IGF2R: variants seen among roughly 807,000 people sequenced by gnomAD.
The protein encoded by IGF2R is cation-independent mannose-6-phosphate receptor.
In IGF2R, 91 loss-of-function variants were observed where a neutral mutation model predicts 270.6. The observed-to-expected ratio is 0.34, with a 90% CI of 0.28 to 0.40. The LOEUF is 0.40. IGF2R is among the 10% of genes least tolerant of loss of function. IGF2R has a pLI of 1.00. For missense variants in IGF2R, 2,805 were observed against 3,188.3 expected (o/e 0.88, Z 2.90); for synonymous variants, 1,316 against 1,258.9 (o/e 1.05, Z -0.96).
intron 1 of IGF2R, among the ~76,000 whole-genome samples, chr6:159,973,650 T>C (rs1008573325): frequency 2.6e-5 from 4 of 152,172 alleles, no homozygotes; most frequent in Non-Finnish European, 5.9e-5. Flanking sequence ...ACAGTAAGTG[T>C]ATGTGGAAGC....
Position 160,009,098 on chromosome 6 carries a change from C to T in IGF2R, c.378C>T (p.Val126=), listed in dbSNP as rs1332060955. The T allele has an allele frequency of 6.2e-7, 1 of 1,613,746 alleles. No individual in the cohort carries two copies. The highest frequency in any genetic ancestry group is 8.5e-7 in the Non-Finnish European group (1 of 1,179,888). ...SCDQQGTNHR[V]QSSIAFLCGK... ...ACCAGCAAGGCACAAATCACAGAGT[C>T]CAGAGCAGCATTGCCTTCCTGTGTG... The change falls in exon 3 of 48, where the codon GTC becomes GTT. Residue 126 remains valine (V), a synonymous_variant. Coordinates refer to ENST00000356956, the MANE Select transcript of IGF2R (RefSeq NM_000876.4).
intron 18 of IGF2R, among the ~76,000 whole-genome samples, chr6:160,049,571 G>C (rs1473151755): frequency 6.6e-6 from 1 of 152,178 alleles, no homozygotes; most frequent in Non-Finnish European, 1.5e-5. Context: ...AGATGCTCCA[G>C]AGCTGGAACT....
At chr6:159,970,973 G>T (rs1312510543) in intron 1 of IGF2R, among the ~76,000 whole-genome samples, 4 of 152,222 alleles carry the variant, frequency 2.6e-5, no homozygotes, top group Non-Finnish European at 5.9e-5. Flanking sequence ...CCAGTTAAGG[G>T]AGGCTGAGGT....
chr6:160,094,081 C>T, intron 44 of IGF2R: 1 of 506,236 alleles, frequency 2.0e-6, no homozygotes. Flanking sequence ...CCTACCTCCA[C>T]CCCATCATTC....
At chr6:160,104,606 G>A in intron 47 of IGF2R, 68 bp from the exon 48 acceptor site, 1 of 1,509,516 alleles carries the variant, frequency 6.6e-7, no homozygotes, top group South Asian at 1.3e-5. Flanking sequence ...TCCCTGATGT[G>A]GTGGATGGTG....
rs748324423 is a variant in IGF2R at position 160,084,176 on chromosome 6, C to T, written c.6060C>T (p.Asn2020=). The change falls in exon 40 of 48, where the codon AAC becomes AAT. Residue 2020 remains asparagine (N), a synonymous_variant. Transcript: ENST00000356956. This position sits in a 1 kb window ranked among gnomAD's most constrained non-coding sequence, Gnocchi z 4.6. Reference sequence around the variant, plus strand: ...CCGGGTCCTGGTCCCTCGTCCACAACGGAGTCTCGTGAGTGCCTTCCCAGT... The same window carrying T: ...CCGGGTCCTGGTCCCTCGTCCACAATGGAGTCTCGTGAGTGCCTTCCCAGT... ...SLTGSWSLVH[N]GVSYYINLCQ... 1.1e-5 allele frequency: 18 copies of T among 1,606,872 alleles called. No homozygotes were observed. The highest frequency in any genetic ancestry group is 8.3e-5 in the Admixed American group (5 of 59,982).
Position 160,017,443 on chromosome 6 carries a change from G to C in IGF2R, c.513+6658G>C, listed in dbSNP as rs145285307. Among the ~76,000 whole-genome samples the C allele has an allele frequency of 1.4e-4, 21 of 152,248 alleles. No individual in the cohort carries two copies. The East Asian group carries it at 3.9e-3, about 28-fold the overall frequency. The stretch of plus-strand genomic sequence containing the variant: ...AACAAAATCTGGAAAATGTATTTGA[G>C]GACATAATTGATGTAAACTTCTTTA... On this transcript the variant is annotated intron_variant, in intron 4 of 47. Coordinates refer to ENST00000356956, the MANE Select transcript of IGF2R (RefSeq NM_000876.4).
rs191461661 is a variant in IGF2R at position 160,106,216 on chromosome 6, A to C, written c.*1132A>C. ...TACAGCGCGGAGGAGGAGGGAGGCCAGGCGGGCATGGCGTGGAGGAGGAGG... is the reference window on the plus strand; with the variant it reads ...TACAGCGCGGAGGAGGAGGGAGGCCCGGCGGGCATGGCGTGGAGGAGGAGG... On this transcript the variant is annotated 3_prime_UTR_variant, in exon 48 of 48. Coordinates refer to ENST00000356956, the MANE Select transcript of IGF2R (RefSeq NM_000876.4). 6.6e-6 allele frequency: 1 copy of C among 152,194 alleles called. No homozygotes were observed. The highest frequency in any genetic ancestry group is 2.4e-5 in the African/African-American group (1 of 41,200). The allele number at this position is 152,194 out of a possible 1,614,324, so 9.4% of individuals were successfully genotyped here.
At chr6:160,099,817 AG>A (rs960799162) in intron 45 of IGF2R, among the ~76,000 whole-genome samples, 10 of 152,336 alleles carry the variant, frequency 6.6e-5, no homozygotes, top group African/African-American at 2.4e-4. Flanking sequence ...CTAAGCTGAG[AG>A]GGGTGGCAGA....
chr6:160,030,309 G>A (rs925115324), intron 7 of IGF2R, among the ~76,000 whole-genome samples: 1 of 152,180 alleles, frequency 6.6e-6, no homozygotes, highest in Non-Finnish European at 1.5e-5. Flanking sequence ...CTTTCCTTTA[G>A]TTTCTTTCTG....
chr6:160,048,481 A>T lies in IGF2R; in HGVS notation c.2452A>T (p.Asn818Tyr), dbSNP rs747014235. The T allele has an allele frequency of 6.2e-7, 1 of 1,614,108 alleles. No homozygotes were observed. Among genetic ancestry groups the T allele is most frequent in the Non-Finnish European group, 8.5e-7 (1 of 1,180,052 alleles). The change falls in exon 18 of 48, where the codon AAT (asparagine) becomes TAT (tyrosine). Residue 818 changes from asparagine to tyrosine, a missense_variant. By Grantham distance (143) the Asn-to-Tyr change is moderately radical (BLOSUM62 -2). Transcript: ENST00000356956. ...CTACATTAACGTGTGTCGGCCTCTG[A>T]ATCCAGTGCCGGGCTGCAACCGATA... ...KYYINVCRPL[N>Y]PVPGCNRYAS...
Position 160,104,667 on chromosome 6 carries a change from C to G in IGF2R, c.7066-7C>G. On this transcript the variant is annotated splice_region_variant and splice_polypyrimidine_tract_variant and intron_variant, in intron 47 of 47. Coordinates refer to ENST00000356956, the MANE Select transcript of IGF2R (RefSeq NM_000876.4). Reference sequence around the variant, plus strand: ...CTCACGTGGTCTCTGCTGTTGATCCCTGGCAGGTGAATAAGGAAGAAGAGA... The same window carrying G: ...CTCACGTGGTCTCTGCTGTTGATCCGTGGCAGGTGAATAAGGAAGAAGAGA... 1.9e-6 allele frequency: 3 copies of G among 1,607,872 alleles called. No homozygotes were observed. Among genetic ancestry groups the G allele is most frequent in the Non-Finnish European group, 2.5e-6 (3 of 1,176,624 alleles).
intron 18 of IGF2R, among the ~76,000 whole-genome samples, chr6:160,048,939 G>A (rs1778131192): frequency 6.6e-6 from 1 of 152,206 alleles, no homozygotes; most frequent in South Asian, 2.1e-4. Context: ...TGCTGTGGAT[G>A]AACCAGATTC....
chr6:159,977,323 C>G (rs1055942374), intron 1 of IGF2R, among the ~76,000 whole-genome samples: 16 of 152,200 alleles, frequency 1.1e-4, no homozygotes, highest in Admixed American at 5.2e-4. Flanking sequence ...GGGTCTCCAC[C>G]CGACCTTGGC....
rs56029582 is a variant in IGF2R, at chr6:160,073,400, C to T, written c.4878C>T (p.Leu1626=). Residue 1626 remains leucine, a synonymous_variant, in exon 34 of 48, where the codon CTC becomes CTT. Transcript: ENST00000356956. ...CCAGGCCAACCAATAGGCCCATGCT[C>T]ATCTCCCTGGACAAGCAGACATGCA... The part of the protein sequence containing the change: ...PEARPTNRPM[L]ISLDKQTCTL... 2.0e-3 allele frequency: 3,211 copies of T among 1,614,242 alleles called. 7 individuals are homozygous for T. Among genetic ancestry groups the T allele is most frequent in the Non-Finnish European group, 2.4e-3 (2,834 of 1,180,020 alleles).
At chr6:160,030,886 C>T (rs984449989) in intron 7 of IGF2R, among the ~76,000 whole-genome samples, 2 of 151,268 alleles carry the variant, frequency 1.3e-5, no homozygotes, top group East Asian at 1.9e-4. Flanking sequence ...TGCAGTGCCA[C>T]GATCTCACTT....
chr6:160,013,435 G>T (rs1044961684), intron 4 of IGF2R, among the ~76,000 whole-genome samples: 32 of 148,650 alleles, frequency 2.2e-4, no homozygotes, highest in African/African-American at 7.7e-4. Context: ...AAAAAAAAAG[G>T]TGCTGATCTG....
intron 46 of IGF2R, among the ~76,000 whole-genome samples, chr6:160,103,319 C>T (rs1438353875): frequency 9.1e-6 from 1 of 109,834 alleles, no homozygotes; most frequent in South Asian, 2.8e-4. Context: ...AGACTCTGTC[C>T]AAAAAAAAAA....
chr6:160,090,175 C>T, intron 44 of IGF2R, 72 bp downstream of exon 44: 1 of 1,095,442 alleles, frequency 9.1e-7, no homozygotes, highest in Non-Finnish European at 1.3e-6. Flanking sequence ...TTTCAACTAA[C>T]TCCCTTCAGT....
Sources: gnomAD v4.1 joint callset for allele counts (sites outside exome capture counted in the v4.1 genomes callset) on GRCh38, gnomAD v4.1.1 for gene constraint, Gnocchi (gnomAD v3.1) non-coding constraint, MANE v1.5 for transcripts, NCBI Gene and HGNC (gene_info 2026-07-23, HGNC 2026-07-21) for gene names.